Variants in LPP observed in about 807,000 individuals in gnomAD.
The protein encoded by LPP is LIM domain containing preferred translocation partner in lipoma.
Under a neutral mutation model 60.4 loss-of-function variants are expected in LPP, and 38 were observed. That is an observed-to-expected ratio of 0.63 (90% confidence interval 0.49 to 0.83). The LOEUF (loss-of-function observed/expected upper bound fraction) is 0.83, where lower values mean the gene tolerates loss of function less well. Among genes scored for constraint, LPP ranks in the 40% least tolerant of loss-of-function variants. The pLI, the probability that LPP is intolerant of heterozygous loss-of-function variation, is 0.00. For missense variants in LPP, 902 were observed against 783.6 expected (o/e 1.15, Z -1.80); for synonymous variants, 328 against 290.8 (o/e 1.13, Z -1.30).
intron 9 of LPP, among the ~76,000 whole-genome samples, chr3:188,815,079 T>G (rs1367143582): frequency 6.6e-6 from 1 of 152,262 alleles, no homozygotes; most frequent in Non-Finnish European, 1.5e-5. Flanking sequence ...GTTATGATTA[T>G]GTTTAGCCAA....
intron 4 of LPP, among the ~76,000 whole-genome samples, chr3:188,456,135 C>T (rs1056281403): frequency 7.9e-5 from 12 of 152,134 alleles, no homozygotes; most frequent in Admixed American, 5.9e-4. Flanking sequence ...TCTTTGCTTT[C>T]GCCTCCCCAA....
rs1383403769 is a variant in LPP at position 188,877,518 on chromosome 3, T to C, written c.*3039T>C. 2 of 187,170 alleles carry C rather than the reference T, an allele frequency of 1.1e-5. No homozygotes were observed. The highest frequency in any genetic ancestry group is 1.7e-4 in the East Asian group (2 of 11,704). 11.6% of individuals were successfully genotyped at this position (187,170 alleles called of 1,614,324 possible). On this transcript the variant is annotated 3_prime_UTR_variant, in exon 12 of 12. Coordinates refer to ENST00000617246, the MANE Select transcript of LPP (RefSeq NM_001375462.1). Reference sequence around the variant, plus strand: ...ACCCCCAGACCATACTGACTCAACATGGAGTCTCACTGGCCAAGAAAATTG... The same window carrying C: ...ACCCCCAGACCATACTGACTCAACACGGAGTCTCACTGGCCAAGAAAATTG...
chr3:188,493,916 ATTC>A (rs1809159747), intron 5 of LPP, among the ~76,000 whole-genome samples: 1 of 151,936 alleles, frequency 6.6e-6, no homozygotes, highest in Non-Finnish European at 1.5e-5. Context: ...TCCCTTTTAT[ATTC>A]TTAATTTTTG....
chr3:188,714,917 G>T (rs1266587941), intron 8 of LPP, among the ~76,000 whole-genome samples: 1 of 152,154 alleles, frequency 6.6e-6, no homozygotes, highest in Non-Finnish European at 1.5e-5. Context: ...ATAGTAGAAA[G>T]TTGGGGGTAG....
At chr3:188,310,653 A>T (rs962522269) in intron 2 of LPP, among the ~76,000 whole-genome samples, 1 of 152,186 alleles carries the variant, frequency 6.6e-6, no homozygotes, top group African/African-American at 2.4e-5. Flanking sequence ...ATGTGAGTTG[A>T]AATAGATTTT....
intron 9 of LPP, among the ~76,000 whole-genome samples, chr3:188,839,788 G>A (rs1759451384): frequency 6.6e-6 from 1 of 152,086 alleles, no homozygotes; most frequent in Non-Finnish European, 1.5e-5. Context: ...TGAGGGAGGA[G>A]AATCCCTTGA....
intron 4 of LPP, among the ~76,000 whole-genome samples, chr3:188,467,958 T>C (rs1466652529): frequency 6.6e-6 from 1 of 152,200 alleles, no homozygotes; most frequent in Non-Finnish European, 1.5e-5. Flanking sequence ...TACTTTGTTG[T>C]AGTAACAACA....
intron 6 of LPP, among the ~76,000 whole-genome samples, chr3:188,552,561 T>A (rs1213808045): frequency 6.6e-6 from 1 of 152,184 alleles, no homozygotes; most frequent in Non-Finnish European, 1.5e-5. Context: ...TGGGTTAAGA[T>A]GAAGGTGTCA....
intron 7 of LPP, among the ~76,000 whole-genome samples, chr3:188,686,327 G>A (rs1482886945): frequency 1.3e-5 from 2 of 152,088 alleles, no homozygotes; most frequent in Admixed American, 6.5e-5. Flanking sequence ...AATAAAGAGA[G>A]GGCACAGCAA....
At chr3:188,222,523 T>A (rs1330797495) in intron 1 of LPP, among the ~76,000 whole-genome samples, 1 of 152,172 alleles carries the variant, frequency 6.6e-6, no homozygotes, top group Non-Finnish European at 1.5e-5. Context: ...AGAAAATCCT[T>A]TACACAAGTC....
chr3:188,318,601 C>T (rs1418751510), intron 2 of LPP, among the ~76,000 whole-genome samples: 2 of 151,920 alleles, frequency 1.3e-5, no homozygotes, highest in Non-Finnish European at 2.9e-5. Context: ...TACCTACCTA[C>T]CTACTTACAT....
At chr3:188,343,532 A>G (rs984160485) in intron 3 of LPP, among the ~76,000 whole-genome samples, 2 of 152,234 alleles carry the variant, frequency 1.3e-5, no homozygotes, top group African/African-American at 4.8e-5. Context: ...TGCAGTTATC[A>G]CACTAACCTT....
intron 5 of LPP, among the ~76,000 whole-genome samples, chr3:188,496,130 C>CT (rs375294101): frequency 0.052 from 7,653 of 148,584 alleles, 245 homozygotes; most frequent in Middle Eastern, 0.16. Flanking sequence ...AAATTGACGT[C>CT]TTTTTTTTTT....
At chr3:188,407,073 TTAAAA>T (rs1241580838) in intron 4 of LPP, among the ~76,000 whole-genome samples, 6 of 110,800 alleles carry the variant, frequency 5.4e-5, no homozygotes. Context: ...AAAAAATAAC[TTAAAA>T]TAAAAAAAAA....
chr3:188,870,172 G>GTATA (rs138629189), intron 10 of LPP, among the ~76,000 whole-genome samples: 9,144 of 151,158 alleles, frequency 0.06, 311 homozygotes, highest in Non-Finnish European at 0.072. Context: ...GTGTGTTTGT[G>GTATA]TATATATATA....
chr3:188,412,208 T>C (rs1333841357), intron 4 of LPP, among the ~76,000 whole-genome samples: 2 of 152,146 alleles, frequency 1.3e-5, no homozygotes, highest in Admixed American at 6.5e-5. Flanking sequence ...GTTCTCACTC[T>C]TTTTCTTTCT....
At chr3:188,330,780 C>A (rs1376981806) in intron 2 of LPP, among the ~76,000 whole-genome samples, 1 of 152,098 alleles carries the variant, frequency 6.6e-6, no homozygotes, top group Non-Finnish European at 1.5e-5. Flanking sequence ...CGTGCTATTA[C>A]ATTACAGCCT....
At chr3:188,862,305 T>G (rs2151953313) in intron 9 of LPP, among the ~76,000 whole-genome samples, 1 of 152,308 alleles carries the variant, frequency 6.6e-6, no homozygotes, top group Admixed American at 6.5e-5. Context: ...TCATAGAGGT[T>G]GACATAAACC....
intron 6 of LPP, among the ~76,000 whole-genome samples, chr3:188,581,193 CA>C (rs1390948376): frequency 6.6e-6 from 1 of 151,668 alleles, no homozygotes; most frequent in Non-Finnish European, 1.5e-5. Context: ...TACCTCAGGG[CA>C]AAAAAAGTCC....
Sources: gnomAD v4.1 joint callset for allele counts (sites outside exome capture counted in the v4.1 genomes callset) on GRCh38, gnomAD v4.1.1 for gene constraint, MANE v1.5 for transcripts, NCBI Gene and HGNC (gene_info 2026-07-23, HGNC 2026-07-21) for gene names.